FUT8: variants seen among roughly 807,000 people sequenced by gnomAD.
FUT8 encodes fucosyltransferase 8.
FUT8 carries 29 observed loss-of-function variants against 71.3 expected under a neutral mutation model. The observed-to-expected ratio is 0.41, with a 90% CI of 0.30 to 0.55. The LOEUF (loss-of-function observed/expected upper bound fraction) is 0.55. Ranked by LOEUF, FUT8 falls within the 20% of genes least tolerant of loss-of-function variation. The pLI, the probability that FUT8 is intolerant of heterozygous loss-of-function variation, is 0.34. For synonymous variants in FUT8, 254 were observed against 239.3 expected (o/e 1.06, Z -0.57); for missense variants, 544 against 702.1 (o/e 0.77, Z 2.55).
chr14:65,393,521 A>G, the FUT8 span, among the ~76,000 whole-genome samples: 21,045 of 152,176 alleles, frequency 0.14, 1,988 homozygotes, highest in East Asian at 0.44. Context: ...TGGGCTGCAT[A>G]GGTGGATTTT....
At chr14:65,382,556 T>G in the FUT8 span, among the ~76,000 whole-genome samples, 52 of 152,082 alleles carry the variant, frequency 3.4e-4, no homozygotes, top group Non-Finnish European at 6.5e-4. Flanking sequence ...GCCAGGCTGG[T>G]CTTGAACTCC....
chr14:65,560,927 T>A (rs922133193), intron 2 of FUT8, among the ~76,000 whole-genome samples: 1 of 152,130 alleles, frequency 6.6e-6, no homozygotes, highest in African/African-American at 2.4e-5. Context: ...AGAAATGAAA[T>A]CACTCATACA....
At chr14:65,614,111 CAA>C (rs33994378) in intron 3 of FUT8, among the ~76,000 whole-genome samples, 22 of 134,412 alleles carry the variant, frequency 1.6e-4, no homozygotes, top group Admixed American at 3.0e-4. Flanking sequence ...GAGACTGTGT[CAA>C]AAAAAAAAAA....
chr14:65,591,544 TG>T (rs1887686138), intron 3 of FUT8, among the ~76,000 whole-genome samples: 1 of 152,154 alleles, frequency 6.6e-6, no homozygotes, highest in Non-Finnish European at 1.5e-5. Context: ...TAATTAGCAT[TG>T]GCAAAGCAGC....
At chr14:65,615,521 T>C (rs1889234336) in intron 3 of FUT8, among the ~76,000 whole-genome samples, 1 of 152,252 alleles carries the variant, frequency 6.6e-6, no homozygotes, top group Non-Finnish European at 1.5e-5. Flanking sequence ...TAGTCTGATA[T>C]TATAATTAAT....
chr14:65,536,578 C>A (rs983464448), intron 2 of FUT8, among the ~76,000 whole-genome samples: 2 of 152,090 alleles, frequency 1.3e-5, no homozygotes, highest in African/African-American at 4.8e-5. Context: ...TGAATATAGA[C>A]CCCCAATCTC....
Position 65,669,169 on chromosome 14 carries a change from AT to A in FUT8, c.598-72del. ...GCATGTGTACCCCTGAAGATGAAAG[AT>A]TAAAAAAAAAAAAGAGCAGTTGACC... is the stretch of plus-strand genomic sequence containing the variant. On this transcript the variant is annotated intron_variant, in intron 6 of 10. Coordinates refer to ENST00000673929, the MANE Select transcript of FUT8 (RefSeq NM_001371533.1). This position sits in a 1 kb window ranked among gnomAD's most constrained non-coding sequence, Gnocchi z 4.5. 4.4e-6 allele frequency: 5 copies of A among 1,135,326 alleles called. No individual in the cohort carries two copies. Among genetic ancestry groups the A allele is most frequent in the Middle Eastern group, 6.0e-4 (2 of 3,318 alleles). 70.3% of individuals were successfully genotyped at this position (1,135,326 alleles called of 1,614,324 possible).
intron 2 of FUT8, among the ~76,000 whole-genome samples, chr14:65,551,422 A>G (rs1885275709): frequency 6.6e-6 from 1 of 152,228 alleles, no homozygotes; most frequent in Non-Finnish European, 1.5e-5. Flanking sequence ...GTCAAAGGGT[A>G]CAGAGTTTTG....
intron 3 of FUT8, among the ~76,000 whole-genome samples, chr14:65,583,998 G>C (rs976002675): frequency 6.6e-6 from 1 of 152,112 alleles, no homozygotes; most frequent in Non-Finnish European, 1.5e-5. Context: ...TCCTGCCTCA[G>C]CTTCCCGAGT....
At chr14:65,633,004 T>TCCCCCCCCCCCCCCCCCCCC (rs376298224) in intron 6 of FUT8, among the ~76,000 whole-genome samples, 1 of 78,020 alleles carries the variant, frequency 1.3e-5, no homozygotes, top group Non-Finnish European at 2.6e-5. Flanking sequence ...CCCTCTCCCC[T>TCCCCCCCCCCCCCCCCCCCC]CCCCCCCCCC....
chr14:65,437,348 A>G (rs2065577344), intron 1 of FUT8, among the ~76,000 whole-genome samples: 2 of 152,346 alleles, frequency 1.3e-5, no homozygotes, highest in Non-Finnish European at 2.9e-5. Flanking sequence ...TAGGAAAGAA[A>G]TAAGAATTTA....
chr14:65,647,169 C>T (rs1225534440), intron 6 of FUT8, among the ~76,000 whole-genome samples: 2 of 152,150 alleles, frequency 1.3e-5, no homozygotes, highest in African/African-American at 4.8e-5. Flanking sequence ...AGGCTTAGGT[C>T]AGTTGTATTT....
At chr14:65,417,087 C>A (rs917925299) in intron 1 of FUT8, among the ~76,000 whole-genome samples, 8 of 151,616 alleles carry the variant, frequency 5.3e-5, no homozygotes, top group African/African-American at 1.9e-4. Flanking sequence ...TACCCGGCTC[C>A]TTTATTTTAT....
At chr14:65,364,654 C>T in the FUT8 span, among the ~76,000 whole-genome samples, 2 of 152,150 alleles carry the variant, frequency 1.3e-5, no homozygotes, top group Non-Finnish European at 2.9e-5. Flanking sequence ...GGATGAAAGC[C>T]TCAAGAACCT....
At chr14:65,552,390 T>G (rs923525478) in intron 2 of FUT8, among the ~76,000 whole-genome samples, 6 of 152,318 alleles carry the variant, frequency 3.9e-5, no homozygotes, top group South Asian at 4.1e-4. Flanking sequence ...AGAAATTGAA[T>G]GATTAGTTTT....
rs1397439395 is a variant in FUT8 at position 65,504,735 on chromosome 14, G to A, written c.-228+49017G>A. Among the ~76,000 whole-genome samples, 4 of 152,158 alleles carry A rather than the reference G, an allele frequency of 2.6e-5. No individual in the cohort carries two copies. In the East Asian group the frequency reaches 7.7e-4, roughly 29 times the overall value. Reference sequence around the variant, plus strand: ...CGGCTAATTTTTTTTTGTATATTTAGTAGAGACGGGGTTTCACCTTGTTGG... The same window carrying A: ...CGGCTAATTTTTTTTTGTATATTTAATAGAGACGGGGTTTCACCTTGTTGG... On this transcript the variant is annotated intron_variant, in intron 2 of 10. Coordinates refer to ENST00000673929, the MANE Select transcript of FUT8 (RefSeq NM_001371533.1).
chr14:65,637,904 C>T (rs529040755), intron 6 of FUT8, among the ~76,000 whole-genome samples: 94 of 152,244 alleles, frequency 6.2e-4, no homozygotes, highest in African/African-American at 2.0e-3. Context: ...CATCTGCCCA[C>T]GCTTGGAGTT....
At chr14:65,480,904 G>A (rs1469878515) in intron 2 of FUT8, among the ~76,000 whole-genome samples, 1 of 151,922 alleles carries the variant, frequency 6.6e-6, no homozygotes, top group Non-Finnish European at 1.5e-5. Context: ...TGGCTAGGCT[G>A]GTCTCGAACT....
chr14:65,654,031 T>A (rs1031498294), intron 6 of FUT8, among the ~76,000 whole-genome samples: 1 of 152,176 alleles, frequency 6.6e-6, no homozygotes, highest in African/African-American at 2.4e-5. Context: ...ATGAAGAAAG[T>A]ACAAATTAAT....
Sources: gnomAD v4.1 joint callset for allele counts (sites outside exome capture counted in the v4.1 genomes callset) on GRCh38, gnomAD v4.1.1 for gene constraint, Gnocchi (gnomAD v3.1) non-coding constraint, MANE v1.5 for transcripts, NCBI Gene and HGNC (gene_info 2026-07-23, HGNC 2026-07-21) for gene names.